Variants in PCLO observed in about 807,000 individuals in gnomAD.
The protein encoded by PCLO is protein piccolo.
A neutral mutation model predicts 427.5 loss-of-function variants in PCLO; 82 were observed. The ratio of observed to expected loss-of-function variants is 0.19; its 90% confidence interval spans 0.16 to 0.23. PCLO has a LOEUF of 0.23. Ranked by LOEUF, PCLO falls within the 10% of genes least tolerant of loss-of-function variation. The pLI, the probability that PCLO is intolerant of heterozygous loss-of-function variation, is 1.00. For missense variants in PCLO, 6,239 were observed against 6,115.9 expected (o/e 1.02, Z -0.67); for synonymous variants, 2,357 against 2,155.4 (o/e 1.09, Z -2.59).
chr7:82,969,500 A>C (rs535321733), intron 3 of PCLO, among the ~76,000 whole-genome samples: 1 of 152,204 alleles, frequency 6.6e-6, no homozygotes, highest in African/African-American at 2.4e-5. Context: ...TTTTTAACAT[A>C]ATGTTGCTAT....
At chr7:82,829,988 T>C (rs1187754548) in intron 16 of PCLO, among the ~76,000 whole-genome samples, 2 of 152,050 alleles carry the variant, frequency 1.3e-5, no homozygotes, top group Non-Finnish European at 2.9e-5. Context: ...TATAATGGTA[T>C]AAACATAAAA....
chr7:82,897,620 G>A (rs1218403044), intron 9 of PCLO, among the ~76,000 whole-genome samples: 1 of 151,362 alleles, frequency 6.6e-6, no homozygotes, highest in Non-Finnish European at 1.5e-5. Flanking sequence ...AGTACGTTAA[G>A]AATCTGGGTC....
chr7:83,148,269 A>C (rs2116661242), intron 2 of PCLO, among the ~76,000 whole-genome samples: 1 of 152,260 alleles, frequency 6.6e-6, no homozygotes, highest in Non-Finnish European at 1.5e-5. Flanking sequence ...GTAATCACCC[A>C]ATAGAAGGGA....
At chr7:82,892,710 T>C (rs890962548) in intron 9 of PCLO, among the ~76,000 whole-genome samples, 25 of 151,868 alleles carry the variant, frequency 1.6e-4, no homozygotes, top group Admixed American at 6.6e-4. Flanking sequence ...GAATCTACAA[T>C]GAACTCAAAC....
In PCLO at chr7:83,154,816, T is replaced by C. The variant is rs374237630; in HGVS notation, c.1825A>G (p.Thr609Ala). ...LHVPEKANFNTCTECQTTVCS... is the reference protein window; with the variant it reads ...LHVPEKANFNACTECQTTVCS... ...ACAGTGGTTTGACACTCAGTGCATG[T>C]GTTAAAATTGGCCTTTTCTGGAACA... The change falls in exon 2 of 25, where the codon ACA becomes GCA. Residue 609 changes from threonine (T) to alanine (A), a missense_variant. Coordinates refer to ENST00000333891, the MANE Select transcript of PCLO (RefSeq NM_033026.6). The C allele has an allele frequency of 7.4e-6, 12 of 1,613,796 alleles. No individual in the cohort carries two copies. The highest frequency in any genetic ancestry group is 1.0e-5 in the Non-Finnish European group (12 of 1,179,804).
intron 22 of PCLO, among the ~76,000 whole-genome samples, chr7:82,763,003 C>T (rs527886011): frequency 3.9e-5 from 6 of 152,040 alleles, no homozygotes; most frequent in African/African-American, 9.6e-5. Flanking sequence ...TGTAGTGGCC[C>T]GATCATGGCT....
At chr7:83,046,140 C>A (rs1286974918) in intron 3 of PCLO, among the ~76,000 whole-genome samples, 2 of 152,044 alleles carry the variant, frequency 1.3e-5, no homozygotes, top group Non-Finnish European at 2.9e-5. Context: ...TAGGGCCCAT[C>A]CTAATGATTC....
Position 83,162,443 on chromosome 7 carries a change from T to C in PCLO, c.150A>G (p.Glu50=). The C allele has an allele frequency of 1.3e-6, 2 of 1,595,280 alleles. No homozygotes were observed. The highest frequency in any genetic ancestry group is 1.7e-6 in the Non-Finnish European group (2 of 1,170,776). The change falls in exon 1 of 25, where the codon GAA becomes GAG. Residue 50 remains glutamate, a synonymous_variant. Coordinates refer to ENST00000333891, the MANE Select transcript of PCLO (RefSeq NM_033026.6). ...GMEADLSQLS[E]EERRQIAAVM... ...CAGCGGCGATCTGTCTCCTCTCCTCTTCGCTCAGCTGGCTCAAATCCGCCT... is the reference window on the plus strand; with the variant it reads ...CAGCGGCGATCTGTCTCCTCTCCTCCTCGCTCAGCTGGCTCAAATCCGCCT...
chr7:82,908,994 C>T lies in PCLO; in HGVS notation c.13320G>A (p.Glu4440=), dbSNP rs779875885. The T allele has an allele frequency of 3.7e-6, 6 of 1,612,622 alleles. No homozygotes were observed. In the South Asian group the frequency reaches 6.6e-5, roughly 18 times the overall value. ...SDSEAYHLRR[E]ETDWFDKPRE... ...TGGGTTTATCAAACCAATCTGTTTC[C>T]TCACGACGCAGATGATAGGCTTTGG... The change falls in exon 8 of 25, where the codon GAG becomes GAA. Residue 4440 remains glutamate, a synonymous_variant. Coordinates refer to ENST00000333891, the MANE Select transcript of PCLO (RefSeq NM_033026.6).
intron 3 of PCLO, among the ~76,000 whole-genome samples, chr7:83,086,600 G>A (rs938419013): frequency 1.3e-5 from 2 of 152,106 alleles, no homozygotes; most frequent in Non-Finnish European, 2.9e-5. Context: ...ATTATCATGA[G>A]TACGGCATTA....
chr7:82,862,693 C>A (rs1398301037), intron 10 of PCLO, among the ~76,000 whole-genome samples: 1 of 151,718 alleles, frequency 6.6e-6, no homozygotes, highest in Non-Finnish European at 1.5e-5. Context: ...AAGATCCAGT[C>A]ATTTGTAACA....
chr7:82,995,801 T>C (rs1021993407), intron 3 of PCLO, among the ~76,000 whole-genome samples: 2 of 151,956 alleles, frequency 1.3e-5, no homozygotes, highest in African/African-American at 4.8e-5. Flanking sequence ...AAAATTGTAT[T>C]GACATATATA....
chr7:82,850,162 C>G (rs1197574092), intron 10 of PCLO, among the ~76,000 whole-genome samples: 1 of 152,050 alleles, frequency 6.6e-6, no homozygotes, highest in African/African-American at 2.4e-5. Flanking sequence ...GCACCCACCA[C>G]CACACCCAGC....
Position 82,968,182 on chromosome 7 carries a change from G to A in PCLO, c.3301-1695C>T, listed in dbSNP as rs963951745. Among the ~76,000 whole-genome samples the A allele has an allele frequency of 6.6e-5, 10 of 152,154 alleles. No homozygotes were observed. The East Asian group carries it at 1.9e-3, about 29-fold the overall frequency. ...GACAAAAGTCAATTCTGTAAATGTGGTAAAATGCTGCCAATAAAATATTAG... is the reference window on the plus strand; with the variant it reads ...GACAAAAGTCAATTCTGTAAATGTGATAAAATGCTGCCAATAAAATATTAG... On this transcript the variant is annotated intron_variant, in intron 3 of 24. Transcript: ENST00000333891.
intron 6 of PCLO, among the ~76,000 whole-genome samples, chr7:82,942,944 T>C (rs1170385356): frequency 6.6e-6 from 1 of 152,130 alleles, no homozygotes; most frequent in Non-Finnish European, 1.5e-5. Context: ...CTTTCTTATA[T>C]TGCTTTTCAA....
chr7:82,907,788 A>G (rs1215504619), intron 8 of PCLO, among the ~76,000 whole-genome samples: 1 of 152,012 alleles, frequency 6.6e-6, no homozygotes, highest in Non-Finnish European at 1.5e-5. Context: ...GAAAAACAGA[A>G]CAAAATTCTA....
chr7:82,770,688 C>A (rs1790628836), intron 22 of PCLO, among the ~76,000 whole-genome samples: 1 of 151,752 alleles, frequency 6.6e-6, no homozygotes, highest in Admixed American at 6.6e-5. Context: ...AATAATTTTA[C>A]CTAACATGCT....
intron 6 of PCLO, among the ~76,000 whole-genome samples, chr7:82,917,925 C>T (rs183743825): frequency 1.3e-3 from 204 of 151,888 alleles, no homozygotes; most frequent in African/African-American, 4.6e-3. Flanking sequence ...ACTTTCATTG[C>T]CTTTTTATTA....
chr7:82,986,352 T>C (rs896500480), intron 3 of PCLO, among the ~76,000 whole-genome samples: 6 of 56,124 alleles, frequency 1.1e-4, no homozygotes, highest in South Asian at 5.3e-4. Context: ...ATTAGAAATA[T>C]GCTCTTTTAA....
Sources: allele counts gnomAD v4.1 joint callset (sites outside exome capture counted in the v4.1 genomes callset), GRCh38; gene constraint gnomAD v4.1.1; transcripts MANE v1.5; gene names NCBI Gene and HGNC (gene_info 2026-07-23, HGNC 2026-07-21).